Variants in ADAM15 observed in about 807,000 individuals in gnomAD.
ADAM15 encodes disintegrin and metalloproteinase domain-containing protein 15.
In ADAM15, 77 loss-of-function variants were observed where a neutral mutation model predicts 113.8. The ratio of observed to expected loss-of-function variants is 0.68; its 90% CI spans 0.56 to 0.82. ADAM15 has a LOEUF of 0.82. Among genes scored for constraint, ADAM15 ranks in the 40% least tolerant of loss-of-function variants. The probability of loss-of-function intolerance (pLI) is 0.00; values close to 1 mark genes in which losing one functional copy is unlikely to be tolerated. For missense variants in ADAM15, 963 were observed against 1,120.1 expected (o/e 0.86, Z 2.00); for synonymous variants, 388 against 454.1 (o/e 0.85, Z 1.85).
intron 18 of ADAM15, 142 bp downstream of exon 18, chr1:155,060,485 T>C: frequency 8.2e-7 from 1 of 1,218,236 alleles, no homozygotes; most frequent in Non-Finnish European, 1.1e-6. Context: ...ACCCCACACC[T>C]CCCTTCCCTA....
chr1:155,060,897 G>T, intron 19 of ADAM15, 65 bp downstream of exon 19: 1 of 1,480,330 alleles, frequency 6.8e-7, no homozygotes, highest in South Asian at 1.1e-5. Context: ...GGGCCCTGGG[G>T]GGTGCGCATT....
Position 155,057,515 on chromosome 1 carries a change from T to C in ADAM15, c.1324-122T>C. The C allele has an allele frequency of 1.3e-6, 2 of 1,490,868 alleles. No individual in the cohort carries two copies. Among genetic ancestry groups the C allele is most frequent in the Non-Finnish European group, 1.8e-6 (2 of 1,084,278 alleles). 92.4% of individuals were successfully genotyped at this position (1,490,868 alleles called of 1,614,324 possible). ...TCTGTGGGGACAGCACATGGGTTGT[T>C]GGGCTCTAGCCCTCGCTTGCTGTGT... On this transcript the variant is annotated intron_variant, in intron 12 of 22. Coordinates refer to ENST00000356955, the MANE Select transcript of ADAM15 (RefSeq NM_207197.3). The surrounding 1 kb of genome is among the most constrained non-coding windows in gnomAD (Gnocchi z 5.0).
rs558616799 is a variant in ADAM15, at chr1:155,056,567, C to G, written c.999+97C>G. The G allele has an allele frequency of 3.3e-6, 4 of 1,218,622 alleles. No individual in the cohort carries two copies. In the East Asian group the frequency reaches 9.6e-5, roughly 29 times the overall value. 75.5% of individuals were successfully genotyped at this position (1,218,622 alleles called of 1,614,324 possible). Reference sequence around the variant, plus strand: ...AAACCCCCCTATAAAGTTGCCCAACCCCAAAGCTACAGGTATAGAGGGTGG... The same window carrying G: ...AAACCCCCCTATAAAGTTGCCCAACGCCAAAGCTACAGGTATAGAGGGTGG... On this transcript the variant is annotated intron_variant, in intron 10 of 22. Coordinates refer to ENST00000356955, the MANE Select transcript of ADAM15 (RefSeq NM_207197.3). The surrounding 1 kb of genome is among the most constrained non-coding windows in gnomAD (Gnocchi z 4.0).
At chr1:155,053,107 A>ACCCCCCCCCCCCCC (rs5777934) in intron 2 of ADAM15, among the ~76,000 whole-genome samples, 1 of 102,294 alleles carries the variant, frequency 9.8e-6, no homozygotes. Context: ...ACCTTACCAA[A>ACCCCCCCCCCCCCC]CCCCCCCCCC....
chr1:155,053,537 CT>C, intron 3 of ADAM15, 44 bp downstream of exon 3: 1 of 1,592,346 alleles, frequency 6.3e-7, no homozygotes, highest in Non-Finnish European at 8.6e-7. Context: ...TGGCCAACAA[CT>C]TGTATAGCAT....
chr1:155,052,699 A>G lies in ADAM15; in HGVS notation c.108A>G (p.Ser36=). The G allele has an allele frequency of 6.2e-7, 1 of 1,610,924 alleles. No individual in the cohort carries two copies. The change falls in exon 2 of 23, where the codon TCA becomes TCG. Residue 36 remains serine, a synonymous_variant. Coordinates refer to ENST00000356955, the MANE Select transcript of ADAM15 (RefSeq NM_207197.3). ...GCACTGAGGAGCAGCAGGCAGAGTC[A>G]GAGAAGGCCCCGAGGGAGCCCTTGG... The part of the protein sequence containing the change: ...IGGTEEQQAE[S]EKAPREPLEP...
At chr1:155,055,598 C>T in intron 6 of ADAM15, 192 bp from the exon 7 acceptor site, 1 of 621,148 alleles carries the variant, frequency 1.6e-6, no homozygotes, top group Non-Finnish European at 2.9e-6. Context: ...CTACTCCAAC[C>T]TTCATTATCT....
In ADAM15 at chr1:155,062,414, G is replaced by T. The variant is rs756595039; in HGVS notation, c.2549+45G>T. ...TGGGTGGGCGGGGCGAGTGACCTGG[G>T]GGAAAGGGGCCTCTGACTCTTTTTT... On this transcript the variant is annotated intron_variant, in intron 22 of 22. Coordinates refer to ENST00000356955, the MANE Select transcript of ADAM15 (RefSeq NM_207197.3). The surrounding 1 kb of genome is among the most constrained non-coding windows in gnomAD (Gnocchi z 7.0). 6.2e-7 allele frequency: 1 copy of T among 1,612,194 alleles called. No individual in the cohort carries two copies.
Position 155,057,299 on chromosome 1 carries a change from G to A in ADAM15, c.1260G>A (p.Met420Ile). ...AACGGCTGCCTAGCCTACCCCCTATGGCTGCTTTCTGCGGAAATATGTTTG... is the reference window on the plus strand; with the variant it reads ...AACGGCTGCCTAGCCTACCCCCTATAGCTGCTTTCTGCGGAAATATGTTTG... ...LFERLPSLPP[M>I]AAFCGNMFVE... The change falls in exon 12 of 23, where the codon ATG becomes ATA. Residue 420 changes from methionine to isoleucine, a missense_variant. Met to Ile is a conservative substitution (Grantham distance 10). Transcript: ENST00000356955. This position sits in a 1 kb window ranked among gnomAD's most constrained non-coding sequence, Gnocchi z 5.0. 6.2e-7 allele frequency: 1 copy of A among 1,614,208 alleles called. No homozygotes were observed. The highest frequency in any genetic ancestry group is 2.2e-5 in the East Asian group (1 of 44,886).
At chr1:155,055,013 G>A (rs1450883248) in intron 6 of ADAM15, among the ~76,000 whole-genome samples, 1 of 152,058 alleles carries the variant, frequency 6.6e-6, no homozygotes, top group Non-Finnish European at 1.5e-5. Flanking sequence ...CATTTGCAGA[G>A]AGCTCTCACT....
At chr1:155,059,590 C>G (rs949967191) in intron 16 of ADAM15, among the ~76,000 whole-genome samples, 2 of 152,142 alleles carry the variant, frequency 1.3e-5, no homozygotes, top group African/African-American at 4.8e-5. Flanking sequence ...AATTGCACCA[C>G]TGCACTCCAG....
Position 155,058,525 on chromosome 1 carries a change from A to G in ADAM15, c.1917+84A>G. 6.4e-7 allele frequency: 1 copy of G among 1,567,422 alleles called. No individual in the cohort carries two copies. Among genetic ancestry groups the G allele is most frequent in the Non-Finnish European group, 8.6e-7 (1 of 1,160,050 alleles). Reference sequence around the variant, plus strand: ...CAGAGCCCAGACTTCACCATTCACCAATGTCAAAGGCAGGGACTCCAAGGG... The same window carrying G: ...CAGAGCCCAGACTTCACCATTCACCGATGTCAAAGGCAGGGACTCCAAGGG... On this transcript the variant is annotated intron_variant, in intron 15 of 22. Coordinates refer to ENST00000356955, the MANE Select transcript of ADAM15 (RefSeq NM_207197.3). The surrounding 1 kb of genome is among the most constrained non-coding windows in gnomAD (Gnocchi z 4.3).
intron 19 of ADAM15, 136 bp downstream of exon 19, chr1:155,060,968 C>G: frequency 1.2e-6 from 1 of 815,224 alleles, no homozygotes; most frequent in Non-Finnish European, 1.9e-6. Context: ...GGAGTCAGGG[C>G]CAGCCCTGCC....
Position 155,056,600 on chromosome 1 carries a change from T to A in ADAM15, c.999+130T>A. The stretch of plus-strand genomic sequence containing the variant: ...TACAGGTATAGAGGGTGGAGGTACG[T>A]GATGTGGCCTTTGCTATCAGGGAGC... On this transcript the variant is annotated intron_variant, in intron 10 of 22. Coordinates refer to ENST00000356955, the MANE Select transcript of ADAM15 (RefSeq NM_207197.3). The surrounding 1 kb of genome is among the most constrained non-coding windows in gnomAD (Gnocchi z 4.0). The A allele has an allele frequency of 1.1e-6, 1 of 879,488 alleles. No homozygotes were observed. The highest frequency in any genetic ancestry group is 1.8e-6 in the Non-Finnish European group (1 of 569,688). 54.5% of individuals were successfully genotyped at this position (879,488 alleles called of 1,614,324 possible).
chr1:155,057,470 C>T lies in ADAM15; in HGVS notation c.1323+108C>T, dbSNP rs1014343437. The T allele has an allele frequency of 1.1e-4, 164 of 1,518,848 alleles. No homozygotes were observed. The highest frequency in any genetic ancestry group is 1.4e-4 in the Non-Finnish European group (151 of 1,112,206). 94.1% of individuals were successfully genotyped at this position (1,518,848 alleles called of 1,614,324 possible). ...TCTTGGGTTCTGAAGGGACTTTCCA[C>T]CCCTCTCCTACTTGCCCTGTCTGTG... On this transcript the variant is annotated intron_variant, in intron 12 of 22. Coordinates refer to ENST00000356955, the MANE Select transcript of ADAM15 (RefSeq NM_207197.3). This position sits in a 1 kb window ranked among gnomAD's most constrained non-coding sequence, Gnocchi z 5.0.
chr1:155,058,800 G>T lies in ADAM15; in HGVS notation c.1995+13G>T. 1.2e-6 allele frequency: 2 copies of T among 1,606,270 alleles called. No homozygotes were observed. The highest frequency in any genetic ancestry group is 8.5e-7 in the Non-Finnish European group (1 of 1,175,450). ...CCATGGACATGGGGTGAGCTGGGATGGGGGAAGTGGAAGGGGAGCAGAGAG... is the reference window on the plus strand; with the variant it reads ...CCATGGACATGGGGTGAGCTGGGATTGGGGAAGTGGAAGGGGAGCAGAGAG... On this transcript the variant is annotated intron_variant, in intron 16 of 22. Coordinates refer to ENST00000356955, the MANE Select transcript of ADAM15 (RefSeq NM_207197.3). This position sits in a 1 kb window ranked among gnomAD's most constrained non-coding sequence, Gnocchi z 4.3.
intron 16 of ADAM15, among the ~76,000 whole-genome samples, chr1:155,059,024 G>A (rs1201713636): frequency 6.6e-6 from 1 of 152,156 alleles, no homozygotes; most frequent in Non-Finnish European, 1.5e-5. Flanking sequence ...TCTAGCACAG[G>A]CTGGGCACAA....
intron 19 of ADAM15, 155 bp from the exon 20 acceptor site, chr1:155,061,260 G>A (rs1049954965): frequency 2.0e-5 from 12 of 602,228 alleles, no homozygotes; most frequent in Non-Finnish European, 2.7e-5. Context: ...CTCCCCACTC[G>A]CTCCCCACCT....
chr1:155,057,930 A>G lies in ADAM15; in HGVS notation c.1496A>G (p.Gln499Arg), dbSNP rs913866999. The G allele has an allele frequency of 6.2e-7, 1 of 1,612,594 alleles. No individual in the cohort carries two copies. Residue 499 changes from glutamine (Q) to arginine (R), a missense_variant, in exon 14 of 23, where the codon CAG (glutamine) becomes CGG (arginine). By Grantham distance (43) the Gln-to-Arg change is conservative (BLOSUM62 1). Coordinates refer to ENST00000356955, the MANE Select transcript of ADAM15 (RefSeq NM_207197.3). This position sits in a 1 kb window ranked among gnomAD's most constrained non-coding sequence, Gnocchi z 5.0. ...GAATTCTGCCCAGGAGACAGCTCCCAGTGTCCCCCTGATGTCAGCCTAGGG... is the reference window on the plus strand; with the variant it reads ...GAATTCTGCCCAGGAGACAGCTCCCGGTGTCCCCCTGATGTCAGCCTAGGG... ...LPEFCPGDSS[Q>R]CPPDVSLGDG...
Sources: allele counts gnomAD v4.1 joint callset (sites outside exome capture counted in the v4.1 genomes callset), GRCh38; gene constraint gnomAD v4.1.1; non-coding constraint Gnocchi (gnomAD v3.1); transcripts MANE v1.5; gene names NCBI Gene and HGNC (gene_info 2026-07-23, HGNC 2026-07-21).